Variants in PIEZO2 observed in about 807,000 individuals in gnomAD.
PIEZO2 encodes the protein piezo type mechanosensitive ion channel component 2, also known as piezo-type mechanosensitive ion channel component 2.
A neutral mutation model predicts 337.3 loss-of-function variants in PIEZO2; 172 were observed. The ratio of observed to expected loss-of-function variants is 0.51; its 90% CI spans 0.45 to 0.58. The LOEUF (loss-of-function observed/expected upper bound fraction) is 0.58. Among genes scored for constraint, PIEZO2 ranks in the 20% least tolerant of loss-of-function variants. The pLI is 0.00. For synonymous variants in PIEZO2, 1,251 were observed against 1,228.5 expected (o/e 1.02, Z -0.38); for missense variants, 3,028 against 3,391.3 (o/e 0.89, Z 2.66).
intron 26 of PIEZO2, among the ~76,000 whole-genome samples, chr18:10,758,356 G>A (rs767965526): frequency 2.0e-5 from 3 of 152,180 alleles, no homozygotes; most frequent in Non-Finnish European, 2.9e-5. Flanking sequence ...AGGAGCTTAC[G>A]TGGGGAGTCT....
chr18:11,061,940 C>T (rs575680586), intron 2 of PIEZO2, among the ~76,000 whole-genome samples: 267 of 152,262 alleles, frequency 1.8e-3, no homozygotes, highest in Non-Finnish European at 2.6e-3. Context: ...AAAAAGAGCC[C>T]GCATTGCTAA....
intron 2 of PIEZO2, among the ~76,000 whole-genome samples, chr18:10,981,062 CTG>C (rs2034645756): frequency 6.6e-6 from 1 of 152,182 alleles, no homozygotes; most frequent in Non-Finnish European, 1.5e-5. Context: ...GCACTACTGA[CTG>C]TGAACTTCCT....
chr18:11,125,511 A>G lies in PIEZO2; in HGVS notation c.64+23014T>C, dbSNP rs182307149. 6.6e-5 allele frequency among the ~76,000 whole-genome samples: 10 copies of G among 152,338 alleles called. No individual in the cohort carries two copies. Among genetic ancestry groups the G allele is most frequent in the African/African-American group, 2.4e-5 (1 of 41,572 alleles). ...GTGTTTAGTGCTAAGAGTCCAGCAC[A>G]CTTCATTACGTTGTTGGATTGTTTC... On this transcript the variant is annotated intron_variant, in intron 1 of 55. Coordinates refer to ENST00000674853, the MANE Select transcript of PIEZO2 (RefSeq NM_001378183.1). This position sits in a 1 kb window ranked among gnomAD's most constrained non-coding sequence, Gnocchi z 4.4.
rs931987443 is a variant in PIEZO2 at position 11,128,420 on chromosome 18, T to C, written c.64+20105A>G. ...TCTACTGTTAAAGTGAGGGCATTGATTGAAAAAGAATGGGACCCTGCAACT... is the reference window on the plus strand; with the variant it reads ...TCTACTGTTAAAGTGAGGGCATTGACTGAAAAAGAATGGGACCCTGCAACT... On this transcript the variant is annotated intron_variant, in intron 1 of 55. Coordinates refer to ENST00000674853, the MANE Select transcript of PIEZO2 (RefSeq NM_001378183.1). This position sits in a 1 kb window ranked among gnomAD's most constrained non-coding sequence, Gnocchi z 4.1. Among the ~76,000 whole-genome samples, 1 of 152,084 alleles carries C rather than the reference T, an allele frequency of 6.6e-6. No homozygotes were observed. The highest frequency in any genetic ancestry group is 2.4e-5 in the African/African-American group (1 of 41,398).
Position 11,110,596 on chromosome 18 carries a change from G to A in PIEZO2, c.64+37929C>T, listed in dbSNP as rs537247397. Among the ~76,000 whole-genome samples, 18 of 152,310 alleles carry A rather than the reference G, an allele frequency of 1.2e-4. No homozygotes were observed. In the East Asian group the frequency reaches 1.5e-3, roughly 13 times the overall value. On this transcript the variant is annotated intron_variant, in intron 1 of 55. Transcript: ENST00000674853. The surrounding 1 kb of genome is among the most constrained non-coding windows in gnomAD (Gnocchi z 4.2). ...CATAACGGTTCCTTCAGAGGTGGACGGTGGTGGGCAGGGGAGCAGGTGGAG... is the reference window on the plus strand; with the variant it reads ...CATAACGGTTCCTTCAGAGGTGGACAGTGGTGGGCAGGGGAGCAGGTGGAG...
At chr18:11,043,871 G>A (rs1032434745) in intron 2 of PIEZO2, among the ~76,000 whole-genome samples, 2 of 151,808 alleles carry the variant, frequency 1.3e-5, no homozygotes, top group Non-Finnish European at 2.9e-5. Flanking sequence ...AGGGGGTTTC[G>A]TCATGTTTGC....
At chr18:10,965,799 A>G (rs2033972359) in intron 3 of PIEZO2, among the ~76,000 whole-genome samples, 1 of 152,236 alleles carries the variant, frequency 6.6e-6, no homozygotes, top group Non-Finnish European at 1.5e-5. Context: ...AAGTATTTAT[A>G]AAGACTATGT....
intron 30 of PIEZO2, among the ~76,000 whole-genome samples, chr18:10,745,970 T>C (rs1017506264): frequency 6.6e-6 from 1 of 152,192 alleles, no homozygotes; most frequent in Non-Finnish European, 1.5e-5. Flanking sequence ...CCTGGGCACA[T>C]CACCCTCTAT....
At chr18:10,984,794 G>A (rs2034805536) in intron 2 of PIEZO2, among the ~76,000 whole-genome samples, 1 of 152,056 alleles carries the variant, frequency 6.6e-6, no homozygotes, top group Admixed American at 6.6e-5. Context: ...AAAGCATTAT[G>A]ATCAAATTGT....
Position 11,080,543 on chromosome 18 carries a change from G to A in PIEZO2, c.65-14321C>T, listed in dbSNP as rs2038701611. ...AGGAATAAAGGGGTTACCTTCCTTG[G>A]CCCTCAAAAACAGAGGCATCAGGCC... is the stretch of plus-strand genomic sequence containing the variant. On this transcript the variant is annotated intron_variant, in intron 1 of 55. Coordinates refer to ENST00000674853, the MANE Select transcript of PIEZO2 (RefSeq NM_001378183.1). The surrounding 1 kb of genome is among the most constrained non-coding windows in gnomAD (Gnocchi z 5.4). Among the ~76,000 whole-genome samples, 1 of 152,120 alleles carries A rather than the reference G, an allele frequency of 6.6e-6. No homozygotes were observed. Among genetic ancestry groups the A allele is most frequent in the African/African-American group, 2.4e-5 (1 of 41,430 alleles).
At chr18:10,946,695 A>G (rs1598732893) in intron 3 of PIEZO2, among the ~76,000 whole-genome samples, 1 of 152,216 alleles carries the variant, frequency 6.6e-6, no homozygotes, top group East Asian at 1.9e-4. Flanking sequence ...CTGAACATAT[A>G]TACTCACTTG....
At chr18:10,778,372 G>A (rs1020709998) in intron 18 of PIEZO2, among the ~76,000 whole-genome samples, 1 of 131,446 alleles carries the variant, frequency 7.6e-6, no homozygotes, top group Non-Finnish European at 1.5e-5. Flanking sequence ...TCGCTCTGTC[G>A]CCCAGGCTGG....
chr18:10,912,973 A>T (rs1352174090), intron 3 of PIEZO2, among the ~76,000 whole-genome samples: 1 of 152,076 alleles, frequency 6.6e-6, no homozygotes. Context: ...AGTAAAAAAA[A>T]AAACACAGAC....
At chr18:10,745,372 G>A (rs1047671101) in intron 30 of PIEZO2, among the ~76,000 whole-genome samples, 2 of 151,858 alleles carry the variant, frequency 1.3e-5, no homozygotes, top group Non-Finnish European at 2.9e-5. Context: ...AAAGAAAACC[G>A]ACACACGACC....
At chr18:10,764,519 T>G (rs567724619) in intron 21 of PIEZO2, among the ~76,000 whole-genome samples, 1 of 150,036 alleles carries the variant, frequency 6.7e-6, no homozygotes, top group African/African-American at 2.5e-5. Context: ...CAGGCTCCTG[T>G]AATCCCAGCT....
chr18:11,019,086 C>T (rs186503594), intron 2 of PIEZO2, among the ~76,000 whole-genome samples: 1 of 152,268 alleles, frequency 6.6e-6, no homozygotes, highest in Admixed American at 6.5e-5. Flanking sequence ...ATGTAACTTA[C>T]ATCCAATCCA....
intron 47 of PIEZO2, 64 bp downstream of exon 47, chr18:10,696,010 T>C: frequency 1.4e-6 from 2 of 1,466,202 alleles, no homozygotes; most frequent in South Asian, 1.1e-5. Flanking sequence ...TGCATGCGAG[T>C]ATCACCTCAG....
intron 49 of PIEZO2, among the ~76,000 whole-genome samples, chr18:10,684,580 T>A (rs1462136890): frequency 1.3e-5 from 2 of 151,698 alleles, no homozygotes; most frequent in Non-Finnish European, 2.9e-5. Context: ...TTCTCATGCC[T>A]CAGCCTCTCA....
intron 52 of PIEZO2, 127 bp from the exon 53 acceptor site, chr18:10,678,002 C>T: frequency 1.1e-6 from 1 of 891,528 alleles, no homozygotes; most frequent in Non-Finnish European, 1.6e-6. Flanking sequence ...AACGGTCAAT[C>T]CTGACCCTTT....
Sources: gnomAD v4.1 joint callset for allele counts (sites outside exome capture counted in the v4.1 genomes callset) on GRCh38, gnomAD v4.1.1 for gene constraint, Gnocchi (gnomAD v3.1) non-coding constraint, MANE v1.5 for transcripts, NCBI Gene and HGNC (gene_info 2026-07-23, HGNC 2026-07-21) for gene names.